Variants in CCNG1 observed in about 807,000 individuals in gnomAD.
CCNG1 encodes the protein cyclin G1, also known as cyclin-G1.
Under a neutral mutation model 30.0 loss-of-function variants are expected in CCNG1, and 13 were observed. The ratio of observed to expected loss-of-function variants is 0.43; its 90% CI spans 0.28 to 0.69. The LOEUF (loss-of-function observed/expected upper bound fraction) is 0.69, where lower values mean the gene tolerates loss of function less well. Among genes scored for constraint, CCNG1 ranks in the 30% least tolerant of loss-of-function variants. CCNG1 has a pLI of 0.16. For synonymous variants in CCNG1, 110 were observed against 121.5 expected (o/e 0.91, Z 0.62); for missense variants, 285 against 331.4 (o/e 0.86, Z 1.09).
chr5:163,439,556 G>C, intron 2 of CCNG1, 36 bp downstream of exon 2: 2 of 1,577,166 alleles, frequency 1.3e-6, no homozygotes, highest in Non-Finnish European at 1.7e-6. Flanking sequence ...ATTTTGCTCA[G>C]TGTGTTTTGG....
the CCNG1 span, chr5:163,457,050 G>T: frequency 1.2e-6 from 2 of 1,610,402 alleles, no homozygotes; most frequent in South Asian, 1.1e-5. Context: ...CTTTGTCTTT[G>T]TAAGAACAAT....
chr5:163,453,974 T>G, the CCNG1 span: 5 of 1,529,078 alleles, frequency 3.3e-6, no homozygotes, highest in Non-Finnish European at 4.4e-6. Flanking sequence ...CAGTTATTTC[T>G]CAAGGTTTGA....
intron 2 of CCNG1, 128 bp from the exon 3 acceptor site, chr5:163,440,950 C>A: frequency 9.7e-7 from 1 of 1,027,250 alleles, no homozygotes; most frequent in Non-Finnish European, 1.4e-6. Context: ...TTAAGTCCAT[C>A]ACAGCTGAGA....
At chr5:163,455,529 C>T in the CCNG1 span, among the ~76,000 whole-genome samples, 1 of 152,052 alleles carries the variant, frequency 6.6e-6, no homozygotes, top group Non-Finnish European at 1.5e-5. Context: ...TTTGGGAGGC[C>T]AAGGCGGGCG....
chr5:163,456,819 A>T, the CCNG1 span: 1 of 875,514 alleles, frequency 1.1e-6, no homozygotes, highest in Non-Finnish European at 1.6e-6. Flanking sequence ...AAATTCTTCT[A>T]GAAAATGTTT....
chr5:163,442,111 G>A lies in CCNG1; in HGVS notation c.664G>A (p.Glu222Lys). 6.2e-7 allele frequency: 1 copy of A among 1,611,000 alleles called. No homozygotes were observed. The highest frequency in any genetic ancestry group is 8.5e-7 in the Non-Finnish European group (1 of 1,177,446). ...AGCACAGAAGTGTGTAGAGTTAACAGAAGGAATAGAATGTCTTCAGAAACA... is the reference window on the plus strand; with the variant it reads ...AGCACAGAAGTGTGTAGAGTTAACAAAAGGAATAGAATGTCTTCAGAAACA... ...IQAQKCVELTEGIECLQKHSK... is the reference protein window; with the variant it reads ...IQAQKCVELTKGIECLQKHSK... The change falls in exon 5 of 7, where the codon GAA (glutamate) becomes AAA (lysine). Residue 222 changes from glutamate (E) to lysine (K), a missense_variant. Transcript: ENST00000340828.
chr5:163,443,638 T>A (rs1373718669), intron 6 of CCNG1, 36 bp from the exon 7 acceptor site: 1 of 1,203,402 alleles, frequency 8.3e-7, no homozygotes, highest in East Asian at 2.5e-5. Context: ...TGGCTTCTGT[T>A]AAGTTGGATT....
chr5:163,445,511 T>C (rs1024306221), downstream of CCNG1, among the ~76,000 whole-genome samples: 2 of 152,122 alleles, frequency 1.3e-5, no homozygotes, highest in African/African-American at 2.4e-5. Flanking sequence ...TGGAGTGCAG[T>C]GGCGCGATCT....
chr5:163,444,781 G>T lies in CCNG1; in HGVS notation c.*1111G>T, dbSNP rs958852779. 1 of 152,612 alleles carries T rather than the reference G, an allele frequency of 6.6e-6. No individual in the cohort carries two copies. Among genetic ancestry groups the T allele is most frequent in the Non-Finnish European group, 1.5e-5 (1 of 68,028 alleles). 9.5% of individuals were successfully genotyped at this position (152,612 alleles called of 1,614,324 possible). On this transcript the variant is annotated 3_prime_UTR_variant, in exon 7 of 7. Coordinates refer to ENST00000340828, the MANE Select transcript of CCNG1 (RefSeq NM_004060.4). ...TATCCATGATGGCTATATCCAATTT[G>T]ACATCACGTTATGGATCAGTACACA...
rs1279767522 is a variant in CCNG1, at chr5:163,441,237, T to C, written c.424T>C (p.Leu142=). 3 of 1,613,874 alleles carry C rather than the reference T, an allele frequency of 1.9e-6. No individual in the cohort carries two copies. The highest frequency in any genetic ancestry group is 1.3e-5 in the African/African-American group (1 of 74,920). The change falls in exon 3 of 7, where the codon TTG becomes CTG. Residue 142 remains leucine (L), a synonymous_variant. Transcript: ENST00000340828. ...CTTGATGAGAATGGAAAAGATTGTA[T>C]TGGAGAAGGTGTGTTGGAAAGTCAA... The part of the protein sequence containing the change: ...SDLMRMEKIV[L]EKVCWKVKAT...
At chr5:163,445,331 G>T (rs539273201), downstream of CCNG1, among the ~76,000 whole-genome samples, 2 of 148,380 alleles carry the variant, frequency 1.3e-5, no homozygotes, top group Non-Finnish European at 3.0e-5. Flanking sequence ...ACTTTGTTTT[G>T]TTTTTTCTGA....
At chr5:163,446,987 C>G (rs1050181087), downstream of CCNG1, 1 of 152,192 alleles carries the variant, frequency 6.6e-6, no homozygotes, top group Non-Finnish European at 1.5e-5. Flanking sequence ...ACCTGGGCAA[C>G]AGAGTGAGGC....
At chr5:163,438,233 AC>A (rs746678689) in intron 1 of CCNG1, among the ~76,000 whole-genome samples, 1 of 147,252 alleles carries the variant, frequency 6.8e-6, no homozygotes, top group African/African-American at 2.5e-5. Context: ...AACCCACCGC[AC>A]CCCCCCGCCC....
rs772595016 is a variant in CCNG1, at chr5:163,442,440, A to T, written c.763A>T (p.Asn255Tyr). The change falls in exon 6 of 7, where the codon AAT becomes TAT. Residue 255 changes from asparagine (N) to tyrosine (Y), a missense_variant. Asn to Tyr is a moderately radical substitution (Grantham distance 143). Coordinates refer to ENST00000340828, the MANE Select transcript of CCNG1 (RefSeq NM_004060.4). ...CAAATGTTTAACTGAATATTCATCAAATAAGTGTTCCAAACCAAATGTTCA... is the reference window on the plus strand; with the variant it reads ...CAAATGTTTAACTGAATATTCATCATATAAGTGTTCCAAACCAAATGTTCA... ...VSKCLTEYSS[N>Y]KCSKPNVQKL... The T allele has an allele frequency of 1.3e-5, 21 of 1,613,938 alleles. No homozygotes were observed. The highest frequency in any genetic ancestry group is 3.3e-5 in the Admixed American group (2 of 59,990).
chr5:163,443,443 G>C (rs1477728137), intron 6 of CCNG1, among the ~76,000 whole-genome samples: 1 of 152,132 alleles, frequency 6.6e-6, no homozygotes, highest in Non-Finnish European at 1.5e-5. Context: ...CTGCAAAGTA[G>C]TTATATGCAT....
chr5:163,439,017 T>A (rs1757653162), intron 1 of CCNG1, among the ~76,000 whole-genome samples: 1 of 123,284 alleles, frequency 8.1e-6, no homozygotes, highest in Non-Finnish European at 1.6e-5. Flanking sequence ...AGAGCGAGAC[T>A]CCTTCTCAAA....
rs1055356076 is a variant in CCNG1 at position 163,443,986 on chromosome 5, T to C, written c.*316T>C. On this transcript the variant is annotated 3_prime_UTR_variant, in exon 7 of 7. Transcript: ENST00000340828. Reference sequence around the variant, plus strand: ...ACTTTAGATATTGGATCAATATATTTAGGTGGTATTGAAAATGCTATTGGA... The same window carrying C: ...ACTTTAGATATTGGATCAATATATTCAGGTGGTATTGAAAATGCTATTGGA... The C allele has an allele frequency of 2.8e-6, 1 of 355,594 alleles. No homozygotes were observed. Among genetic ancestry groups the C allele is most frequent in the African/African-American group, 2.1e-5 (1 of 47,908 alleles). 22.0% of individuals were successfully genotyped at this position (355,594 alleles called of 1,614,324 possible). A position where few individuals can be genotyped will look rare whatever the true frequency, so the allele number is the denominator to read the frequency against.
chr5:163,453,366 T>C, the CCNG1 span: 3 of 152,216 alleles, frequency 2.0e-5, no homozygotes, highest in Admixed American at 6.5e-5. Context: ...CACTTCTCTT[T>C]TGTGTTAATC....
the CCNG1 span, chr5:163,453,875 G>T: frequency 1.7e-6 from 1 of 573,932 alleles, no homozygotes. Flanking sequence ...GTTAACTGTA[G>T]GCATCCGCAT....
Sources: gnomAD v4.1 joint callset for allele counts (sites outside exome capture counted in the v4.1 genomes callset) on GRCh38, gnomAD v4.1.1 for gene constraint, MANE v1.5 for transcripts, NCBI Gene and HGNC (gene_info 2026-07-23, HGNC 2026-07-21) for gene names.